EVL: variants seen among roughly 807,000 people sequenced by gnomAD.
The protein encoded by EVL is ena/VASP-like protein.
EVL carries 21 observed loss-of-function variants against 59.6 expected under a neutral mutation model. That is an observed-to-expected ratio of 0.35 (90% confidence interval 0.25 to 0.51). The LOEUF is 0.51. EVL is among the 20% of genes least tolerant of loss of function. EVL has a pLI of 0.97. For missense variants in EVL, 462 were observed against 546.6 expected (o/e 0.85, Z 1.54); for synonymous variants, 198 against 203.5 (o/e 0.97, Z 0.23).
chr14:100,000,554 A>G (rs2060940290), intron 1 of EVL, among the ~76,000 whole-genome samples: 1 of 152,028 alleles, frequency 6.6e-6, no homozygotes. Context: ...TCACCGTTTT[A>G]GCCAGAATGG....
At chr14:100,133,494 A>C (rs1477689947) in intron 8 of EVL, among the ~76,000 whole-genome samples, 1 of 152,232 alleles carries the variant, frequency 6.6e-6, no homozygotes, top group Non-Finnish European at 1.5e-5. Flanking sequence ...TCCTCCCATC[A>C]GTCAGGGTCA....
chr14:100,109,403 T>C lies in EVL; in HGVS notation c.358+11745T>C, dbSNP rs1242841860. 1 of 366,038 alleles carries C rather than the reference T, an allele frequency of 2.7e-6. No individual in the cohort carries two copies. Among genetic ancestry groups the C allele is most frequent in the East Asian group, 7.3e-5 (1 of 13,630 alleles). 22.7% of individuals were successfully genotyped at this position (366,038 alleles called of 1,614,324 possible). Reference sequence around the variant, plus strand: ...CTTCCCAGTCCTCGCACACTGTTGGTGTCCCATTTGTTTGGACCCTGGGTT... The same window carrying C: ...CTTCCCAGTCCTCGCACACTGTTGGCGTCCCATTTGTTTGGACCCTGGGTT... On this transcript the variant is annotated intron_variant, in intron 3 of 13. Transcript: ENST00000392920. This position sits in a 1 kb window ranked among gnomAD's most constrained non-coding sequence, Gnocchi z 4.3.
chr14:100,010,977 C>T (rs1401509105), intron 1 of EVL, among the ~76,000 whole-genome samples: 1 of 152,132 alleles, frequency 6.6e-6, no homozygotes, highest in African/African-American at 2.4e-5. Context: ...TAGTGCCCTC[C>T]TCAACTTTGG....
In EVL at chr14:100,128,587, C is replaced by CCCGG; in HGVS notation, c.557_558insCGGC (p.Pro187GlyfsTer112). ...CCCCGTCTCATGTAGTGGGCCTCCA[C>CCCGG]CGCCCCCCCCACCCCCAGTCCCACC... On this transcript the variant is annotated frameshift_variant, in exon 6 of 14. Coordinates refer to ENST00000392920, the MANE Select transcript of EVL (RefSeq NM_016337.3). LOFTEE classifies it high-confidence loss of function. The CCCGG allele has an allele frequency of 6.9e-7, 1 of 1,445,972 alleles. No homozygotes were observed. Among genetic ancestry groups the CCCGG allele is most frequent in the Non-Finnish European group, 9.5e-7 (1 of 1,049,902 alleles). 89.6% of individuals were successfully genotyped at this position (1,445,972 alleles called of 1,614,324 possible).
At chr14:100,051,985 G>A (rs988771027) in intron 1 of EVL, among the ~76,000 whole-genome samples, 2 of 152,096 alleles carry the variant, frequency 1.3e-5, no homozygotes, top group African/African-American at 4.8e-5. Flanking sequence ...GGACCAAACA[G>A]AAATAGTTTG....
chr14:100,079,447 A>G (rs986214554), intron 1 of EVL, among the ~76,000 whole-genome samples: 3 of 152,184 alleles, frequency 2.0e-5, no homozygotes, highest in Non-Finnish European at 4.4e-5. Flanking sequence ...CCTGCCTTCA[A>G]GGAGCTCACA....
intron 1 of EVL, among the ~76,000 whole-genome samples, chr14:100,006,093 T>C (rs2060979500): frequency 6.8e-6 from 1 of 147,904 alleles, no homozygotes; most frequent in African/African-American, 2.5e-5. Context: ...TCGTTCCCCA[T>C]AATTTGGAAC....
intron 1 of EVL, among the ~76,000 whole-genome samples, chr14:100,032,576 G>A (rs1353540445): frequency 2.0e-5 from 3 of 152,056 alleles, no homozygotes; most frequent in East Asian, 1.9e-4. Context: ...GTCTGGCTGC[G>A]GTCTCTTGAA....
intron 1 of EVL, among the ~76,000 whole-genome samples, chr14:99,980,679 G>A (rs967662963): frequency 2.0e-5 from 3 of 152,208 alleles, no homozygotes; most frequent in Non-Finnish European, 2.9e-5. Context: ...TTGCAGGTAC[G>A]GGGCATTTCC....
At chr14:100,056,827 C>A (rs1441549588) in intron 1 of EVL, among the ~76,000 whole-genome samples, 1 of 152,124 alleles carries the variant, frequency 6.6e-6, no homozygotes, top group Non-Finnish European at 1.5e-5. Context: ...GAGTCCCAGT[C>A]CTTTCAGGCA....
At chr14:99,971,803 G>T (rs1376486115) in exon 1 of EVL, 4 of 139,352 alleles carry the variant, frequency 2.9e-5, no homozygotes, top group African/African-American at 1.0e-4. Context: ...GCCCGGGCAC[G>T]CGCCCGCCAA....
chr14:100,106,874 C>T, intron 3 of EVL: 1 of 398,668 alleles, frequency 2.5e-6, no homozygotes, highest in Non-Finnish European at 4.4e-6. Flanking sequence ...TGGCCCAAAC[C>T]ACTTCCTGAT....
chr14:100,035,897 ACCTGGCCAGACCAAGACTCAATCC>A (rs2061381828), intron 1 of EVL, among the ~76,000 whole-genome samples: 1 of 152,190 alleles, frequency 6.6e-6, no homozygotes, highest in African/African-American at 2.4e-5. Context: ...CATGACCCAG[ACCTGGCCAGACCAAGACTCAATCC>A]CCTGGCTATG....
At chr14:100,012,330 G>A (rs369777729) in intron 1 of EVL, among the ~76,000 whole-genome samples, 10 of 152,084 alleles carry the variant, frequency 6.6e-5, no homozygotes, top group East Asian at 3.8e-4. Context: ...CTCTTCTCCC[G>A]CCTCGGGTGT....
intron 1 of EVL, among the ~76,000 whole-genome samples, chr14:100,071,416 C>T (rs967037727): frequency 2.0e-5 from 3 of 152,166 alleles, no homozygotes; most frequent in Admixed American, 6.5e-5. Context: ...ACATCATTTG[C>T]CATTTCAGCT....
chr14:100,034,047 A>G (rs903753073), intron 1 of EVL, among the ~76,000 whole-genome samples: 3 of 151,582 alleles, frequency 2.0e-5, no homozygotes, highest in Non-Finnish European at 4.4e-5. Context: ...GCAACATGGC[A>G]AAACCCCGTC....
intron 1 of EVL, chr14:99,978,246 C>G (rs2060783769): frequency 6.6e-6 from 1 of 151,416 alleles, no homozygotes; most frequent in Non-Finnish European, 1.5e-5. Context: ...AAAAAAAATA[C>G]AAAAAATTAG....
At position 99,972,652 on chromosome 14, in the gene EVL, G is replaced by A. The variant is rs141642291; in HGVS notation, c.5+595G>A. On this transcript the variant is annotated intron_variant, in intron 1 of 13. Transcript: ENST00000402714. This position sits in a 1 kb window ranked among gnomAD's most constrained non-coding sequence, Gnocchi z 4.4. ...AAAGTGCAAGGCCCCCAAATGTACC[G>A]CTCGTTGATGTATCACCCAGCTCGG... is the stretch of plus-strand genomic sequence containing the variant. 6.6e-6 allele frequency among the ~76,000 whole-genome samples: 1 copy of A among 152,000 alleles called. No individual in the cohort carries two copies. Among genetic ancestry groups the A allele is most frequent in the African/African-American group, 2.4e-5 (1 of 41,454 alleles).
chr14:100,092,437 C>T (rs1567012765), intron 2 of EVL, among the ~76,000 whole-genome samples: 1 of 152,046 alleles, frequency 6.6e-6, no homozygotes, highest in Non-Finnish European at 1.5e-5. Context: ...TACTATGTAG[C>T]AGTCAATAAG....
Sources: gnomAD v4.1 joint callset for allele counts (sites outside exome capture counted in the v4.1 genomes callset) on GRCh38, gnomAD v4.1.1 for gene constraint, Gnocchi (gnomAD v3.1) non-coding constraint, MANE v1.5 for transcripts, NCBI Gene and HGNC (gene_info 2026-07-23, HGNC 2026-07-21) for gene names.